NEBL: variants seen among roughly 807,000 people sequenced by gnomAD.
NEBL encodes nebulette.
A neutral mutation model predicts 140.2 loss-of-function variants in NEBL; 122 were observed. That is an observed-to-expected ratio of 0.87 (90% CI 0.75 to 1.01). NEBL has a LOEUF of 1.01. Ranked by LOEUF, NEBL falls within the 50% of genes least tolerant of loss-of-function variation. NEBL has a pLI of 0.00. For missense variants in NEBL, 1,365 were observed against 1,231.3 expected, an observed-to-expected ratio of 1.11 and a Z score of -1.62; for synonymous variants, 436 against 398.9, an observed-to-expected ratio of 1.09 and a Z score of -1.11.
chr10:21,291,936 CTTAT>C (rs1398659824), intron 1 of NEBL, among the ~76,000 whole-genome samples: 1 of 152,048 alleles, frequency 6.6e-6, no homozygotes, highest in African/African-American at 2.4e-5. Context: ...AAAGAAAAAC[CTTAT>C]TTGTTTTACA....
rs374573842 is a variant in NEBL, at chr10:21,023,696, A to AAAATAAAT, written c.165-3503_165-3496dup. On this transcript the variant is annotated intron_variant, in intron 2 of 6. Coordinates refer to the NEBL transcript ENST00000417816. ...GGAGACAGAGTGAGACTCCATCTCA[A>AAAATAAAT]AAATAAATAAATAAATAAATAAATA... Among the ~76,000 whole-genome samples, 1,182 of 151,732 alleles carry AAAATAAAT rather than the reference A, an allele frequency of 7.8e-3. 23 individuals are homozygous for AAAATAAAT. Among genetic ancestry groups the AAAATAAAT allele is most frequent in the African/African-American group, 0.027 (1,123 of 41,152 alleles).
At chr10:20,835,335 G>A (rs1040542558) in intron 14 of NEBL, among the ~76,000 whole-genome samples, 178 bp downstream of exon 14, 4 of 152,164 alleles carry the variant, frequency 2.6e-5, no homozygotes, top group Non-Finnish European at 4.4e-5. Flanking sequence ...GGAAGGATAT[G>A]AGCAAAGCAA....
intron 3 of NEBL, among the ~76,000 whole-genome samples, chr10:20,979,387 T>C (rs1294420131): frequency 6.6e-6 from 1 of 152,146 alleles, no homozygotes; most frequent in Non-Finnish European, 1.5e-5. Context: ...GAATGGTCCT[T>C]TGAGAGCATG....
At chr10:21,255,054 T>C (rs904471911) in intron 1 of NEBL, among the ~76,000 whole-genome samples, 4 of 152,044 alleles carry the variant, frequency 2.6e-5, no homozygotes, top group Admixed American at 1.3e-4. Context: ...TCTATCAGAC[T>C]CTGCTCCCTG....
chr10:20,956,113 C>T (rs1170909522), intron 4 of NEBL, among the ~76,000 whole-genome samples: 1 of 152,140 alleles, frequency 6.6e-6, no homozygotes, highest in Non-Finnish European at 1.5e-5. Context: ...CTTTGAAGTT[C>T]TGCTCTACAT....
chr10:20,871,871 C>T (rs1283707488), intron 5 of NEBL, among the ~76,000 whole-genome samples: 1 of 152,010 alleles, frequency 6.6e-6, no homozygotes, highest in Non-Finnish European at 1.5e-5. Flanking sequence ...AAGCAACATG[C>T]TTATCCACAA....
intron 3 of NEBL, among the ~76,000 whole-genome samples, chr10:21,247,396 G>C (rs181589346): frequency 9.6e-4 from 146 of 152,284 alleles, no homozygotes; most frequent in Non-Finnish European, 1.9e-3. Context: ...ACATTCGCTA[G>C]AAGACAAAAC....
intron 4 of NEBL, among the ~76,000 whole-genome samples, chr10:20,934,128 C>T (rs1209978906): frequency 6.6e-6 from 1 of 152,144 alleles, no homozygotes; most frequent in South Asian, 2.1e-4. Flanking sequence ...TCAGACTGGA[C>T]TTTAGTCTCA....
At chr10:21,103,559 A>C (rs1370027183) in intron 2 of NEBL, among the ~76,000 whole-genome samples, 1 of 152,116 alleles carries the variant, frequency 6.6e-6, no homozygotes, top group Non-Finnish European at 1.5e-5. Flanking sequence ...TAGCCATCCT[A>C]ACAAAAGTGG....
At chr10:21,259,874 C>T (rs995262023) in intron 1 of NEBL, among the ~76,000 whole-genome samples, 3 of 152,190 alleles carry the variant, frequency 2.0e-5, no homozygotes, top group Non-Finnish European at 4.4e-5. Context: ...AGGTGCAAGA[C>T]TTCGGCTTCA....
rs577747660 is a variant in NEBL, at chr10:20,802,090, C to T, written c.2761+6420G>A. ...AACACATAGCATACCTGAAGCAAAA[C>T]TGAATACAAGTTCAAATCAAGGCAG... On this transcript the variant is annotated intron_variant, in intron 26 of 27. Transcript: ENST00000377122. Among the ~76,000 whole-genome samples, 5 of 152,318 alleles carry T rather than the reference C, an allele frequency of 3.3e-5. 1 individual carries two copies. The South Asian group carries it at 1.0e-3, about 32-fold the overall frequency.
intron 1 of NEBL, among the ~76,000 whole-genome samples, chr10:21,254,220 C>A (rs1465985959): frequency 2.0e-5 from 3 of 152,104 alleles, no homozygotes; most frequent in Non-Finnish European, 4.4e-5. Context: ...TCACTGCAGC[C>A]TTGAACCACT....
chr10:21,004,613 G>A (rs780013573), intron 3 of NEBL, among the ~76,000 whole-genome samples: 27 of 152,180 alleles, frequency 1.8e-4, no homozygotes, highest in East Asian at 9.7e-4. Flanking sequence ...CCAGCTACTC[G>A]GGAGGCTGAG....
chr10:20,944,733 T>C (rs1005978705), intron 4 of NEBL, among the ~76,000 whole-genome samples: 1 of 152,216 alleles, frequency 6.6e-6, no homozygotes, highest in East Asian at 1.9e-4. Context: ...ACATTTGTCA[T>C]TCAATTCTAA....
At chr10:21,038,083 C>A (rs1834090124) in intron 2 of NEBL, among the ~76,000 whole-genome samples, 1 of 152,116 alleles carries the variant, frequency 6.6e-6, no homozygotes, top group Non-Finnish European at 1.5e-5. Flanking sequence ...ATCTTCTTAT[C>A]AGCAAAACTA....
At chr10:21,110,743 CGCTTTAAA>C (rs1837964824) in intron 2 of NEBL, 1 of 502,542 alleles carries the variant, frequency 2.0e-6, no homozygotes, top group Non-Finnish European at 3.9e-6. Flanking sequence ...CAAAGATTAT[CGCTTTAAA>C]GTGGATACTG....
At position 21,290,288 on chromosome 10, in the gene NEBL, G is replaced by A. The variant is rs190345523; in HGVS notation, n.182+2542C>T. Among the ~76,000 whole-genome samples, 446 of 152,302 alleles carry A rather than the reference G, an allele frequency of 2.9e-3. 5 individuals carry two copies. Among genetic ancestry groups the A allele is most frequent in the Non-Finnish European group, 5.2e-3 (356 of 68,032 alleles). ...TCTCAATGTTGGGGCTCAGAGCACT[G>A]CAAAATATGATGCTCCGGTATGCTG... On this transcript the variant is annotated intron_variant and non_coding_transcript_variant, in intron 1 of 8. Coordinates refer to the NEBL transcript ENST00000675702.
chr10:21,202,525 G>A (rs1204903144), intron 3 of NEBL, among the ~76,000 whole-genome samples: 4 of 143,644 alleles, frequency 2.8e-5, no homozygotes, highest in African/African-American at 8.0e-5. Flanking sequence ...GTGCAGTGGC[G>A]TGATCTCAGC....
At chr10:20,946,231 T>C (rs1835152394) in intron 4 of NEBL, among the ~76,000 whole-genome samples, 1 of 152,188 alleles carries the variant, frequency 6.6e-6, no homozygotes, top group Non-Finnish European at 1.5e-5. Flanking sequence ...CTCCAAAGTC[T>C]ACATGTTGTT....
Sources: gnomAD v4.1 joint callset for allele counts (sites outside exome capture counted in the v4.1 genomes callset) on GRCh38, gnomAD v4.1.1 for gene constraint, MANE v1.5 for transcripts, NCBI Gene and HGNC (gene_info 2026-07-23, HGNC 2026-07-21) for gene names.